CPED1: variants seen among roughly 807,000 people sequenced by gnomAD.
The protein encoded by CPED1 is cadherin like and PC-esterase domain containing 1, also known as cadherin-like and PC-esterase domain-containing protein 1.
Under a neutral mutation model 128.2 loss-of-function variants are expected in CPED1, and 114 were observed. The ratio of observed to expected loss-of-function variants is 0.89; its 90% confidence interval spans 0.76 to 1.04. The LOEUF (loss-of-function observed/expected upper bound fraction) is 1.04. Ranked by LOEUF, CPED1 falls within the 50% of genes least tolerant of loss-of-function variation. The pLI, the probability that CPED1 is intolerant of heterozygous loss-of-function variation, is 0.00. For missense variants in CPED1, 1,211 were observed against 1,207.1 expected (o/e 1.00, Z -0.05); for synonymous variants, 462 against 426.7 (o/e 1.08, Z -1.02).
intron 5 of CPED1, among the ~76,000 whole-genome samples, chr7:121,094,384 G>A (rs1794649045): frequency 6.6e-6 from 1 of 152,114 alleles, no homozygotes. Context: ...GCCAGTGTAA[G>A]TGTTTTTTCA....
chr7:120,999,384 T>C (rs1026313145), intron 2 of CPED1, among the ~76,000 whole-genome samples: 3 of 152,176 alleles, frequency 2.0e-5, no homozygotes, highest in Non-Finnish European at 4.4e-5. Flanking sequence ...CCTATAAACA[T>C]TCTCAAGTAT....
intron 18 of CPED1, chr7:121,262,026 T>C: frequency 3.1e-6 from 1 of 324,810 alleles, no homozygotes; most frequent in South Asian, 2.8e-5. Flanking sequence ...GGATGGATCC[T>C]TCATGAATAG....
chr7:121,197,366 T>C (rs1383874704), intron 16 of CPED1, among the ~76,000 whole-genome samples: 1 of 152,152 alleles, frequency 6.6e-6, no homozygotes, highest in Non-Finnish European at 1.5e-5. Context: ...ATACCTTTAC[T>C]ATGACTGCTG....
intron 12 of CPED1, among the ~76,000 whole-genome samples, chr7:121,132,540 C>T (rs1795697608): frequency 6.6e-6 from 1 of 151,942 alleles, no homozygotes; most frequent in South Asian, 2.1e-4. Flanking sequence ...ATATGTTTGT[C>T]CTGAGGCTCA....
chr7:121,261,861 G>A (rs1401001416), intron 18 of CPED1: 1 of 738,286 alleles, frequency 1.4e-6, no homozygotes, highest in African/African-American at 1.8e-5. Context: ...CAGGGACTAT[G>A]CAACCAAGAA....
At chr7:121,108,619 AATG>A (rs1436933135) in intron 7 of CPED1, among the ~76,000 whole-genome samples, 2 of 148,462 alleles carry the variant, frequency 1.3e-5, no homozygotes, top group Non-Finnish European at 3.0e-5. Context: ...AAGGAAATTC[AATG>A]ATATTTTCTA....
intron 3 of CPED1, among the ~76,000 whole-genome samples, chr7:121,027,742 G>GTAATAATAATAA (rs10682627): frequency 1.1e-3 from 160 of 143,488 alleles, no homozygotes; most frequent in Non-Finnish European, 1.5e-3. Flanking sequence ...ATAACCTTTA[G>GTAATAATAATAA]TAATAATAAT....
At chr7:120,991,296 A>G (rs1484084291) in intron 2 of CPED1, among the ~76,000 whole-genome samples, 5 of 152,228 alleles carry the variant, frequency 3.3e-5, no homozygotes, top group Non-Finnish European at 7.3e-5. Context: ...TGAAACTGCA[A>G]CTGAAATTGT....
At chr7:121,121,395 G>A (rs571856589) in intron 7 of CPED1, among the ~76,000 whole-genome samples, 2 of 152,246 alleles carry the variant, frequency 1.3e-5, no homozygotes, top group South Asian at 4.1e-4. Flanking sequence ...ACAAACAAAT[G>A]ATGATGCATT....
intron 7 of CPED1, among the ~76,000 whole-genome samples, chr7:121,121,136 C>G (rs1468755585): frequency 6.6e-6 from 1 of 152,052 alleles, no homozygotes; most frequent in Non-Finnish European, 1.5e-5. Context: ...GAACCCAGAA[C>G]ATAACATGGG....
chr7:121,174,101 C>G (rs1050359000), intron 16 of CPED1, among the ~76,000 whole-genome samples: 1 of 151,856 alleles, frequency 6.6e-6, no homozygotes, highest in African/African-American at 2.4e-5. Flanking sequence ...ATTTAAGTTC[C>G]TTATAGATGC....
At chr7:121,209,006 A>C (rs1173193563) in intron 16 of CPED1, among the ~76,000 whole-genome samples, 1 of 152,066 alleles carries the variant, frequency 6.6e-6, no homozygotes, top group Non-Finnish European at 1.5e-5. Context: ...GAAAGCTTGC[A>C]GCTAATTCAA....
chr7:121,089,409 C>A lies in CPED1; in HGVS notation c.617-8290C>A, dbSNP rs117914515. Among the ~76,000 whole-genome samples the A allele has an allele frequency of 4.6e-4, 70 of 152,028 alleles. No individual in the cohort carries two copies. In the East Asian group the frequency reaches 0.013, roughly 29 times the overall value. On this transcript the variant is annotated intron_variant, in intron 5 of 22. Coordinates refer to ENST00000310396, the MANE Select transcript of CPED1 (RefSeq NM_024913.5). ...GGAATATTGTGTACATTTTATTATA[C>A]CAAAAATACCAGGTAAAAATTGAAG... is the stretch of plus-strand genomic sequence containing the variant.
chr7:121,204,825 A>T (rs773728559), intron 16 of CPED1, among the ~76,000 whole-genome samples: 1 of 152,152 alleles, frequency 6.6e-6, no homozygotes, highest in Non-Finnish European at 1.5e-5. Flanking sequence ...AGAGGATTAT[A>T]TAGTCCTCTC....
chr7:121,219,187 C>T (rs2116616444), intron 16 of CPED1, among the ~76,000 whole-genome samples: 1 of 152,072 alleles, frequency 6.6e-6, no homozygotes, highest in Non-Finnish European at 1.5e-5. Context: ...GGAACCAAAA[C>T]CAAAAGTGCG....
At chr7:121,090,447 T>C (rs753996532) in intron 5 of CPED1, among the ~76,000 whole-genome samples, 45 of 152,308 alleles carry the variant, frequency 3.0e-4, no homozygotes, top group Admixed American at 9.1e-4. Flanking sequence ...ATGAAAGATA[T>C]TCTGAAACCA....
intron 14 of CPED1, among the ~76,000 whole-genome samples, chr7:121,136,523 T>C (rs1563040687): frequency 6.6e-6 from 1 of 152,182 alleles, no homozygotes; most frequent in Non-Finnish European, 1.5e-5. Context: ...TTTCAATTTT[T>C]TTAATTCATT....
chr7:121,294,388 G>A (rs1792776527), intron 22 of CPED1, among the ~76,000 whole-genome samples: 1 of 152,158 alleles, frequency 6.6e-6, no homozygotes, highest in Non-Finnish European at 1.5e-5. Context: ...GCTGTTCTCT[G>A]TGGTGGGAAG....
At chr7:121,141,810 G>T (rs577777852) in intron 15 of CPED1, among the ~76,000 whole-genome samples, 163 bp from the exon 16 acceptor site, 32 of 152,176 alleles carry the variant, frequency 2.1e-4, no homozygotes, top group African/African-American at 6.7e-4. Flanking sequence ...CTGTGAAAGA[G>T]ATATTTATTT....
Sources: gnomAD v4.1 joint callset for allele counts (sites outside exome capture counted in the v4.1 genomes callset) on GRCh38, gnomAD v4.1.1 for gene constraint, MANE v1.5 for transcripts, NCBI Gene and HGNC (gene_info 2026-07-23, HGNC 2026-07-21) for gene names.